LDLRAD3: variants seen among roughly 807,000 people sequenced by gnomAD.
LDLRAD3 encodes low-density lipoprotein receptor class A domain-containing protein 3.
In LDLRAD3, 20 loss-of-function variants were observed where a neutral mutation model predicts 29.4. The observed-to-expected ratio is 0.68, with a 90% confidence interval of 0.48 to 0.99. The LOEUF (loss-of-function observed/expected upper bound fraction) is 0.99. LDLRAD3 is among the 50% of genes least tolerant of loss of function. The probability of loss-of-function intolerance (pLI) is 0.00; values close to 1 mark genes in which losing one functional copy is unlikely to be tolerated. For missense variants in LDLRAD3, 420 were observed against 454.3 expected (o/e 0.92, Z 0.69); for synonymous variants, 157 against 192.7 (o/e 0.81, Z 1.53).
intron 1 of LDLRAD3, among the ~76,000 whole-genome samples, chr11:36,023,504 G>A (rs1346680758): frequency 6.6e-6 from 1 of 152,212 alleles, no homozygotes; most frequent in South Asian, 2.1e-4. Flanking sequence ...TTGCTCTCTG[G>A]GTTTTAGTCT....
chr11:35,979,103 A>G (rs1484656239), intron 1 of LDLRAD3, among the ~76,000 whole-genome samples: 6 of 152,144 alleles, frequency 3.9e-5, no homozygotes, highest in African/African-American at 1.2e-4. Context: ...TTGCTTTCAT[A>G]AACATGGTGA....
At chr11:36,161,992 A>G (rs1854446736) in intron 4 of LDLRAD3, among the ~76,000 whole-genome samples, 1 of 152,256 alleles carries the variant, frequency 6.6e-6, no homozygotes, top group African/African-American at 2.4e-5. Flanking sequence ...TCACCCCTAG[A>G]GAGATCTCTG....
intron 4 of LDLRAD3, among the ~76,000 whole-genome samples, chr11:36,127,513 G>C (rs776327180): frequency 1.3e-5 from 2 of 152,136 alleles, no homozygotes; most frequent in Non-Finnish European, 2.9e-5. Context: ...GAAATTCTTA[G>C]AACAGGATTG....
At chr11:36,098,296 C>T (rs1034287751) in intron 3 of LDLRAD3, 31 bp from the exon 4 acceptor site, 2 of 1,612,550 alleles carry the variant, frequency 1.2e-6, no homozygotes, top group Admixed American at 1.7e-5. Context: ...TGCTGGCCTC[C>T]CTGGTAATGT....
chr11:36,144,514 A>G (rs1590304835), intron 4 of LDLRAD3, among the ~76,000 whole-genome samples: 2 of 147,092 alleles, frequency 1.4e-5, no homozygotes, highest in Admixed American at 6.7e-5. Flanking sequence ...CCATCGTCTG[A>G]GATGTGGGGA....
chr11:36,224,283 AG>A (rs1298187031), intron 4 of LDLRAD3, among the ~76,000 whole-genome samples: 1 of 152,008 alleles, frequency 6.6e-6, no homozygotes, highest in African/African-American at 2.4e-5. Context: ...ACAGACGAGG[AG>A]GGTGAGGCTT....
chr11:36,089,517 T>G (rs1853245942), intron 3 of LDLRAD3, among the ~76,000 whole-genome samples: 1 of 151,322 alleles, frequency 6.6e-6, no homozygotes, highest in African/African-American at 2.4e-5. Flanking sequence ...AACCTCCGCC[T>G]CCCGGGTTCA....
chr11:35,945,282 T>A (rs1044431516), intron 1 of LDLRAD3, among the ~76,000 whole-genome samples: 1 of 152,218 alleles, frequency 6.6e-6, no homozygotes, highest in Non-Finnish European at 1.5e-5. Flanking sequence ...TAGCTGTGCC[T>A]TGGAGTTATG....
At chr11:36,100,064 G>A (rs1039736529) in intron 4 of LDLRAD3, among the ~76,000 whole-genome samples, 2 of 151,932 alleles carry the variant, frequency 1.3e-5, no homozygotes, top group East Asian at 1.9e-4. Flanking sequence ...AACTGGTGTC[G>A]GTGGGCCCAG....
At chr11:36,073,403 GACAGGCAGGGTCAGTCTTTC>G (rs1852940002) in intron 2 of LDLRAD3, among the ~76,000 whole-genome samples, 1 of 152,226 alleles carries the variant, frequency 6.6e-6, no homozygotes, top group Non-Finnish European at 1.5e-5. Context: ...CTGCTTTAAA[GACAGGCAGGGTCAGTCTTTC>G]ACCTTCTGTC....
At chr11:35,970,331 T>C (rs7119978) in intron 1 of LDLRAD3, among the ~76,000 whole-genome samples, 85,214 of 151,886 alleles carry the variant, frequency 0.56, 26,382 homozygotes, top group African/African-American at 0.84. Context: ...TAAGAGGGGG[T>C]ACACAGACAC....
chr11:36,024,596 G>A (rs940951691), intron 1 of LDLRAD3, among the ~76,000 whole-genome samples: 1 of 152,256 alleles, frequency 6.6e-6, no homozygotes, highest in Non-Finnish European at 1.5e-5. Flanking sequence ...GGGAGGACAA[G>A]GGATTGGGCT....
chr11:35,948,921 C>T (rs1851095320), intron 1 of LDLRAD3, among the ~76,000 whole-genome samples: 1 of 152,308 alleles, frequency 6.6e-6, no homozygotes, highest in Middle Eastern at 3.4e-3. Context: ...CCACAAATGC[C>T]TCCCGACATT....
intron 4 of LDLRAD3, among the ~76,000 whole-genome samples, chr11:36,099,991 T>G (rs1179797888): frequency 1.3e-5 from 2 of 152,042 alleles, no homozygotes; most frequent in East Asian, 3.9e-4. Context: ...TCCGGGAGCA[T>G]CAGCATCACA....
At chr11:36,216,528 A>T (rs571986492) in intron 4 of LDLRAD3, among the ~76,000 whole-genome samples, 13 of 152,348 alleles carry the variant, frequency 8.5e-5, no homozygotes, top group South Asian at 4.1e-4. Flanking sequence ...TATCCAAAAA[A>T]TAACCCTAGG....
At chr11:36,202,431 A>C (rs1268703107) in intron 4 of LDLRAD3, among the ~76,000 whole-genome samples, 1 of 152,194 alleles carries the variant, frequency 6.6e-6, no homozygotes, top group African/African-American at 2.4e-5. Context: ...CGGTTGAGCC[A>C]TTCCTACAGG....
At chr11:36,006,361 A>T (rs1289169579) in intron 1 of LDLRAD3, among the ~76,000 whole-genome samples, 1 of 152,166 alleles carries the variant, frequency 6.6e-6, no homozygotes, top group Non-Finnish European at 1.5e-5. Context: ...TGGTTTCCTT[A>T]AGGGTGCAGT....
intron 2 of LDLRAD3, among the ~76,000 whole-genome samples, chr11:36,064,785 G>C (rs1852764640): frequency 6.6e-6 from 1 of 152,026 alleles, no homozygotes; most frequent in Non-Finnish European, 1.5e-5. Flanking sequence ...CCGACCCATT[G>C]GTTATTTAGG....
chr11:36,106,137 G>T (rs569100863), intron 4 of LDLRAD3, among the ~76,000 whole-genome samples: 102 of 152,290 alleles, frequency 6.7e-4, no homozygotes, highest in African/African-American at 2.4e-3. Flanking sequence ...AATCGCCTTG[G>T]TAGGGAGAAC....
Sources: gnomAD v4.1 joint callset for allele counts (sites outside exome capture counted in the v4.1 genomes callset) on GRCh38, gnomAD v4.1.1 for gene constraint, MANE v1.5 for transcripts, NCBI Gene and HGNC (gene_info 2026-07-23, HGNC 2026-07-21) for gene names.